The following CTNND2 variants were observed in gnomAD, a reference collection of about 807,000 sequenced individuals.
CTNND2 encodes the protein catenin delta 2.
Under a neutral mutation model 144.4 loss-of-function variants are expected in CTNND2, and 22 were observed. The ratio of observed to expected loss-of-function variants is 0.15; its 90% CI spans 0.11 to 0.22. The LOEUF (loss-of-function observed/expected upper bound fraction) is 0.22. Among genes scored for constraint, CTNND2 ranks in the 10% least tolerant of loss-of-function variants. The pLI is 1.00. For synonymous variants in CTNND2, 751 were observed against 695.6 expected (o/e 1.08, Z -1.25); for missense variants, 1,353 against 1,618.8 (o/e 0.84, Z 2.82).
chr5:11,389,137 ACT>A (rs1759379518), intron 6 of CTNND2, among the ~76,000 whole-genome samples: 1 of 152,066 alleles, frequency 6.6e-6, no homozygotes, highest in Non-Finnish European at 1.5e-5. Flanking sequence ...ACAATTCTTG[ACT>A]CTGTCTTCAT....
chr5:11,211,246 C>T (rs1039251253), intron 10 of CTNND2, among the ~76,000 whole-genome samples: 1 of 152,102 alleles, frequency 6.6e-6, no homozygotes, highest in Non-Finnish European at 1.5e-5. Flanking sequence ...GGCCTGTGTG[C>T]TAGTGATGAG....
intron 11 of CTNND2, among the ~76,000 whole-genome samples, chr5:11,195,928 A>C (rs1283041560): frequency 6.6e-6 from 1 of 152,228 alleles, no homozygotes; most frequent in Non-Finnish European, 1.5e-5. Context: ...ATCTCATAGT[A>C]ATTATTGCAT....
At chr5:11,879,362 TACACACAC>T (rs546769457) in intron 1 of CTNND2, among the ~76,000 whole-genome samples, 44 of 136,790 alleles carry the variant, frequency 3.2e-4, no homozygotes, top group South Asian at 1.4e-3. Context: ...TATATACATA[TACACACAC>T]ACACAAACAT....
intron 3 of CTNND2, among the ~76,000 whole-genome samples, chr5:11,529,110 A>G (rs954950336): frequency 2.0e-5 from 3 of 152,196 alleles, no homozygotes; most frequent in Non-Finnish European, 4.4e-5. Context: ...TTTTTCCGTC[A>G]TTGGCTGTGA....
intron 3 of CTNND2, among the ~76,000 whole-genome samples, chr5:11,491,358 C>G (rs193005158): frequency 4.1e-4 from 62 of 152,294 alleles, no homozygotes; most frequent in African/African-American, 1.5e-3. Flanking sequence ...GTACCACACA[C>G]AAAGTGCTTT....
chr5:11,500,238 C>A (rs1770409866), intron 3 of CTNND2, among the ~76,000 whole-genome samples: 1 of 152,080 alleles, frequency 6.6e-6, no homozygotes, highest in Admixed American at 6.6e-5. Context: ...CAAATCTTGC[C>A]CTGAGACAAT....
chr5:11,794,110 G>A (rs942342832), intron 1 of CTNND2, among the ~76,000 whole-genome samples: 1 of 152,224 alleles, frequency 6.6e-6, no homozygotes, highest in Non-Finnish European at 1.5e-5. Flanking sequence ...GCTGCCCCTG[G>A]CATTAGGCCA....
intron 2 of CTNND2, among the ~76,000 whole-genome samples, chr5:11,625,102 A>C (rs188882205): frequency 6.6e-6 from 1 of 152,266 alleles, no homozygotes; most frequent in African/African-American, 2.4e-5. Context: ...GTCAGAGCAC[A>C]ATAGCAGATA....
intron 3 of CTNND2, among the ~76,000 whole-genome samples, chr5:11,458,573 G>A (rs1257360173): frequency 6.6e-6 from 1 of 152,164 alleles, no homozygotes; most frequent in Non-Finnish European, 1.5e-5. Context: ...GTGGAAACCA[G>A]GAAGAGCGCA....
At chr5:11,158,139 C>T (rs1379420887) in intron 12 of CTNND2, among the ~76,000 whole-genome samples, 1 of 152,182 alleles carries the variant, frequency 6.6e-6, no homozygotes, top group Non-Finnish European at 1.5e-5. Flanking sequence ...TACACTTCTA[C>T]AATTGCTTCT....
intron 1 of CTNND2, among the ~76,000 whole-genome samples, chr5:11,884,843 T>A (rs891987623): frequency 6.6e-6 from 1 of 152,240 alleles, no homozygotes; most frequent in East Asian, 1.9e-4. Flanking sequence ...CTTCTATAAC[T>A]AATTTGTTGA....
intron 2 of CTNND2, among the ~76,000 whole-genome samples, chr5:11,621,064 G>A (rs1222359340): frequency 6.6e-6 from 1 of 152,142 alleles, no homozygotes; most frequent in Non-Finnish European, 1.5e-5. Context: ...TGAAAGAACG[G>A]TGTATATGTG....
intron 2 of CTNND2, among the ~76,000 whole-genome samples, chr5:11,668,049 A>G (rs1044570216): frequency 6.6e-6 from 1 of 152,196 alleles, no homozygotes; most frequent in African/African-American, 2.4e-5. Flanking sequence ...TGATTTTGTC[A>G]GGTTTGTCAA....
intron 8 of CTNND2, among the ~76,000 whole-genome samples, chr5:11,358,035 C>T (rs1032738834): frequency 6.6e-6 from 1 of 152,066 alleles, no homozygotes; most frequent in Non-Finnish European, 1.5e-5. Context: ...ATTCAATGTG[C>T]CGTTGAAATC....
At chr5:11,845,338 T>C (rs945645758) in intron 1 of CTNND2, among the ~76,000 whole-genome samples, 2 of 152,234 alleles carry the variant, frequency 1.3e-5, no homozygotes, top group Non-Finnish European at 2.9e-5. Flanking sequence ...GTGGCTGATA[T>C]GGACTATATT....
chr5:10,980,206 G>GA (rs200953630), intron 21 of CTNND2, among the ~76,000 whole-genome samples: 75 of 146,112 alleles, frequency 5.1e-4, no homozygotes, highest in African/African-American at 1.1e-3. Context: ...AAATTTACAA[G>GA]AAAAAAAAAA....
At chr5:11,226,374 C>T (rs1331468397) in intron 10 of CTNND2, among the ~76,000 whole-genome samples, 1 of 152,150 alleles carries the variant, frequency 6.6e-6, no homozygotes, top group African/African-American at 2.4e-5. Context: ...GTTGTATTTC[C>T]TCCATAGCCC....
intron 5 of CTNND2, among the ~76,000 whole-genome samples, chr5:11,410,017 T>C (rs892840714): frequency 4.6e-5 from 7 of 152,082 alleles, no homozygotes; most frequent in African/African-American, 1.7e-4. Context: ...ATTATTATAT[T>C]AAAAAATGAG....
intron 14 of CTNND2, among the ~76,000 whole-genome samples, chr5:11,108,174 T>C (rs1752607113): frequency 6.6e-6 from 1 of 152,158 alleles, no homozygotes; most frequent in Non-Finnish European, 1.5e-5. Context: ...ATGATTATTC[T>C]CCAAGTAGTG....
Sources: gnomAD v4.1 joint callset for allele counts (sites outside exome capture counted in the v4.1 genomes callset) on GRCh38, gnomAD v4.1.1 for gene constraint, MANE v1.5 for transcripts, NCBI Gene and HGNC (gene_info 2026-07-23, HGNC 2026-07-21) for gene names.